DHODH: variants seen among roughly 807,000 people sequenced by gnomAD.
The protein encoded by DHODH is dihydroorotate dehydrogenase (quinone), mitochondrial.
DHODH carries 30 observed loss-of-function variants against 39.7 expected under a neutral mutation model. The observed-to-expected ratio is 0.76, with a 90% CI of 0.57 to 1.02. The LOEUF is 1.02. Ranked by LOEUF, DHODH falls within the 50% of genes least tolerant of loss-of-function variation. DHODH has a pLI of 0.00. For missense variants in DHODH, 531 were observed against 520.8 expected, an observed-to-expected ratio of 1.02 and a Z score of -0.19; for synonymous variants, 222 against 213.8, an observed-to-expected ratio of 1.04 and a Z score of -0.34.
rs749507805 is a variant in DHODH, at chr16:72,023,173, C to T, written c.828C>T (p.Ile276=). 6.8e-6 allele frequency: 11 copies of T among 1,614,166 alleles called. No individual in the cohort carries two copies. Among genetic ancestry groups the T allele is most frequent in the East Asian group, 2.2e-5 (1 of 44,884 alleles). ...TCTATCTCGCACTGCAGTTGGGCAT[C>T]GATGGGCTGATTGTTACGAACACCA... ...DIASVVKELG[I]DGLIVTNTTV... Residue 276 remains isoleucine (I), a synonymous_variant, in exon 7 of 9, where the codon ATC becomes ATT. Transcript: ENST00000219240.
intron 3 of DHODH, chr16:72,015,900 A>T (rs8048262): frequency 0.32 from 311,209 of 983,602 alleles, 50,664 homozygotes; most frequent in East Asian, 0.68. Context: ...TGAAGTTATG[A>T]AGTCATCAGA....
rs750525575 is a variant in DHODH, at chr16:72,023,157, C to T, written c.820-8C>T. The T allele has an allele frequency of 3.7e-6, 6 of 1,614,022 alleles. No individual in the cohort carries two copies. The African/African-American group carries it at 5.3e-5, about 14-fold the overall frequency. ...GACTCATGGCTTTTTCTCTATCTCGCACTGCAGTTGGGCATCGATGGGCTG... is the reference window on the plus strand; with the variant it reads ...GACTCATGGCTTTTTCTCTATCTCGTACTGCAGTTGGGCATCGATGGGCTG... On this transcript the variant is annotated splice_region_variant and splice_polypyrimidine_tract_variant and intron_variant, in intron 6 of 8. Coordinates refer to ENST00000219240, the MANE Select transcript of DHODH (RefSeq NM_001361.5).
rs962522105 is a variant in DHODH, at chr16:72,017,248, G to A, written c.517+142G>A. On this transcript the variant is annotated intron_variant, in intron 4 of 8. Coordinates refer to ENST00000219240, the MANE Select transcript of DHODH (RefSeq NM_001361.5). ...GACCTCAGGACACCTCTCCTAGAGC[G>A]ATTTTCCTGGTCCCACACAGCTTCC... 1.2e-5 allele frequency: 10 copies of A among 842,714 alleles called. No homozygotes were observed. In the Admixed American group the frequency reaches 1.2e-4, roughly 10 times the overall value. 52.2% of individuals were successfully genotyped at this position (842,714 alleles called of 1,614,324 possible). A position where few individuals can be genotyped will look rare whatever the true frequency, so the allele number is the denominator to read the frequency against.
intron 3 of DHODH, chr16:72,015,686 G>A: frequency 7.1e-6 from 7 of 985,078 alleles, no homozygotes; most frequent in South Asian, 4.7e-5. Flanking sequence ...CATTGCAGGT[G>A]GGGATCAATA....
intron 4 of DHODH, among the ~76,000 whole-genome samples, chr16:72,019,915 G>A (rs2041184824): frequency 6.6e-6 from 1 of 152,244 alleles, no homozygotes; most frequent in African/African-American, 2.4e-5. Flanking sequence ...GCCAAGGCAA[G>A]CGGATCATTT....
chr16:72,018,823 G>A (rs750704587), intron 4 of DHODH, among the ~76,000 whole-genome samples: 2 of 152,152 alleles, frequency 1.3e-5, no homozygotes, highest in South Asian at 2.1e-4. Flanking sequence ...CTCCTAATCC[G>A]TTAGCTACAT....
intron 2 of DHODH, among the ~76,000 whole-genome samples, chr16:72,013,951 G>A (rs998671712): frequency 6.6e-6 from 1 of 152,180 alleles, no homozygotes; most frequent in Admixed American, 6.5e-5. Context: ...CTGGTTCCCC[G>A]TGGGAGGCTG....
chr16:72,021,158 C>T lies in DHODH; in HGVS notation c.552C>T (p.Asn184=). 1 of 1,609,598 alleles carries T rather than the reference C, an allele frequency of 6.2e-7. No homozygotes were observed. The highest frequency in any genetic ancestry group is 8.5e-7 in the Non-Finnish European group (1 of 1,178,030). Residue 184 remains asparagine, a synonymous_variant, in exon 5 of 9, where the codon AAC becomes AAT. Transcript: ENST00000219240. ...CTCTGGGGGTCAACTTGGGGAAGAACAAGACCTCAGTGGACGCCGCGGAGG... is the reference window on the plus strand; with the variant it reads ...CTCTGGGGGTCAACTTGGGGAAGAATAAGACCTCAGTGGACGCCGCGGAGG... ...GLPLGVNLGK[N]KTSVDAAEDY...
chr16:72,022,329 G>A (rs1401323311), intron 5 of DHODH, 33 bp from the exon 6 acceptor site: 12 of 1,517,466 alleles, frequency 7.9e-6, no homozygotes, highest in African/African-American at 2.8e-5. Context: ...TGTGGTCTGC[G>A]GGGTCCCCAG....
chr16:72,014,915 C>G (rs1193793586), intron 3 of DHODH, among the ~76,000 whole-genome samples: 2 of 152,176 alleles, frequency 1.3e-5, no homozygotes, highest in African/African-American at 4.8e-5. Flanking sequence ...AATAACTCCG[C>G]TTCGGTCACG....
intron 2 of DHODH, among the ~76,000 whole-genome samples, chr16:72,013,190 AGCAGAC>A (rs2041103825): frequency 6.6e-6 from 1 of 151,362 alleles, no homozygotes; most frequent in Non-Finnish European, 1.5e-5. Context: ...TATGGTGTTG[AGCAGAC>A]GTGTCATTTC....
rs1204212726 is a variant in DHODH, at chr16:72,016,862, G to A, written c.435-162G>A. On this transcript the variant is annotated intron_variant, in intron 3 of 8. Coordinates refer to ENST00000219240, the MANE Select transcript of DHODH (RefSeq NM_001361.5). The stretch of plus-strand genomic sequence containing the variant: ...AATCTTTCCCTGGGTATTGGATGGT[G>A]TTCTGGCAAGTTCTCTAGGAGTCCC... 4.3e-6 allele frequency: 3 copies of A among 692,648 alleles called. No individual in the cohort carries two copies. The East Asian group carries it at 8.5e-5, about 20-fold the overall frequency. 42.9% of individuals were successfully genotyped at this position (692,648 alleles called of 1,614,324 possible). A position where few individuals can be genotyped will look rare whatever the true frequency, so the allele number is the denominator to read the frequency against.
chr16:72,018,267 C>A (rs1436452945), intron 4 of DHODH, among the ~76,000 whole-genome samples: 1 of 152,180 alleles, frequency 6.6e-6, no homozygotes, highest in African/African-American at 2.4e-5. Flanking sequence ...TCTGAAACTC[C>A]TTCCAGGATG....
rs764238844 is a variant in DHODH, at chr16:72,023,557, C to A, written c.1057C>A (p.Gln353Lys). 1.8e-5 allele frequency: 29 copies of A among 1,614,134 alleles called. No homozygotes were observed. The highest frequency in any genetic ancestry group is 2.5e-5 in the Non-Finnish European group (29 of 1,180,048). ...GATCCGGGCAGGGGCCTCCCTGGTG[C>A]AGCTGTACACGGCCCTCACCTTCTG... ...EKIRAGASLV[Q>K]LYTALTFWGP... Residue 353 changes from glutamine to lysine, a missense_variant, in exon 8 of 9, where the codon CAG becomes AAG. Coordinates refer to ENST00000219240, the MANE Select transcript of DHODH (RefSeq NM_001361.5).
At chr16:72,008,866 A>G (rs1395285612) in intron 1 of DHODH, 81 bp downstream of exon 1, 4 of 1,550,700 alleles carry the variant, frequency 2.6e-6, no homozygotes, top group Non-Finnish European at 3.5e-6. Flanking sequence ...CGGGCGAGGC[A>G]TGGACCGAAG....
In DHODH at chr16:72,014,681, G is replaced by A. The variant is rs771495304; in HGVS notation, c.434+9G>A. On this transcript the variant is annotated intron_variant, in intron 3 of 8. Transcript: ENST00000219240. The stretch of plus-strand genomic sequence containing the variant: ...CAAGCTGTCATTAACAGGTAGGTGA[G>A]CGGCCCAGAGTTAACGGGGGATGCC... The A allele has an allele frequency of 6.8e-6, 11 of 1,613,806 alleles. No individual in the cohort carries two copies. Among genetic ancestry groups the A allele is most frequent in the Non-Finnish European group, 9.3e-6 (11 of 1,179,968 alleles).
rs1357809342 is a variant in DHODH, at chr16:72,027,057, T to G, written c.*2858T>G. ...TGTCACCCCGGCTGGAGTGCAGTGGTGCGATCTCAGCTCACTGCAAGCTCC... is the reference window on the plus strand; with the variant it reads ...TGTCACCCCGGCTGGAGTGCAGTGGGGCGATCTCAGCTCACTGCAAGCTCC... On this transcript the variant is annotated 3_prime_UTR_variant, in exon 9 of 9. Transcript: ENST00000219240. The G allele has an allele frequency of 1.3e-5, 2 of 150,332 alleles. No homozygotes were observed. The highest frequency in any genetic ancestry group is 4.9e-5 in the African/African-American group (2 of 40,534). The allele number at this position is 150,332 out of a possible 1,614,324, so 9.3% of individuals were successfully genotyped here.
Position 72,025,015 on chromosome 16 carries a change from T to C in DHODH, c.*816T>C, listed in dbSNP as rs1415934594. 1 of 152,260 alleles carries C rather than the reference T, an allele frequency of 6.6e-6. No individual in the cohort carries two copies. Among genetic ancestry groups the C allele is most frequent in the African/African-American group, 2.4e-5 (1 of 41,456 alleles). 9.4% of individuals were successfully genotyped at this position (152,260 alleles called of 1,614,324 possible). A position where few individuals can be genotyped will look rare whatever the true frequency, so the allele number is the denominator to read the frequency against. On this transcript the variant is annotated 3_prime_UTR_variant, in exon 9 of 9. Transcript: ENST00000219240. ...TTTCCCGTTTCTCTCTGTCCCTTTC[T>C]CTATAACATGGATAAAATATTCACG...
rs1210649233 is a variant in DHODH, at chr16:72,022,422, G to A, written c.766G>A (p.Ala256Thr). The change falls in exon 6 of 9, where the codon GCT becomes ACT. Residue 256 changes from alanine (A) to threonine (T), a missense_variant. Physicochemically the swap from Ala to Thr is moderately conservative, Grantham distance 58. Coordinates refer to ENST00000219240, the MANE Select transcript of DHODH (RefSeq NM_001361.5). ...CAGGCCGGCAGTCCTGGTGAAGATC[G>A]CTCCTGACCTCACCAGCCAGGATAA... ...VHRPAVLVKI[A>T]PDLTSQDKED... 1 of 1,557,940 alleles carries A rather than the reference G, an allele frequency of 6.4e-7. No individual in the cohort carries two copies. Among genetic ancestry groups the A allele is most frequent in the Non-Finnish European group, 8.7e-7 (1 of 1,150,636 alleles).
Sources: allele counts gnomAD v4.1 joint callset (sites outside exome capture counted in the v4.1 genomes callset), GRCh38; gene constraint gnomAD v4.1.1; transcripts MANE v1.5; gene names NCBI Gene and HGNC (gene_info 2026-07-23, HGNC 2026-07-21).